Variants in SNAP47 observed in about 807,000 individuals in gnomAD.
SNAP47 encodes synaptosomal-associated protein 47.
In SNAP47, 20 loss-of-function variants were observed where a neutral mutation model predicts 31.4. That is an observed-to-expected ratio of 0.64 (90% CI 0.45 to 0.93). The LOEUF (loss-of-function observed/expected upper bound fraction) is 0.93. SNAP47 is among the 40% of genes least tolerant of loss of function. The pLI, the probability that SNAP47 is intolerant of heterozygous loss-of-function variation, is 0.00. For synonymous variants in SNAP47, 194 were observed against 213.4 expected (o/e 0.91, Z 0.79); for missense variants, 492 against 528.5 (o/e 0.93, Z 0.68).
chr1:227,738,015 G>GT (rs1661341403), intron 1 of SNAP47, among the ~76,000 whole-genome samples: 2 of 151,600 alleles, frequency 1.3e-5, no homozygotes, highest in African/African-American at 2.4e-5. Context: ...GGTTTTTTTT[G>GT]GTTTTTTTGT....
chr1:227,732,110 G>A, upstream of SNAP47: 1 of 538,428 alleles, frequency 1.9e-6, no homozygotes, highest in Non-Finnish European at 3.3e-6. Flanking sequence ...AGGCGTCCTG[G>A]CCTAAGGAGG....
At chr1:227,738,957 C>G (rs540903296) in intron 1 of SNAP47, among the ~76,000 whole-genome samples, 13 of 152,268 alleles carry the variant, frequency 8.5e-5, no homozygotes, top group Non-Finnish European at 1.8e-4. Context: ...AGATGGAACT[C>G]TGTGGTTTAG....
intron 2 of SNAP47, among the ~76,000 whole-genome samples, chr1:227,751,006 G>A (rs1312360550): frequency 6.6e-6 from 1 of 152,094 alleles, no homozygotes. Context: ...GAAATGAGCC[G>A]GGCACCAAGC....
At chr1:227,747,057 A>G (rs1319430937) in intron 1 of SNAP47, 1 of 152,304 alleles carries the variant, frequency 6.6e-6, no homozygotes, top group Non-Finnish European at 1.5e-5. Flanking sequence ...GCTTGCAGCT[A>G]TGTAAAACTA....
intron 3 of SNAP47, among the ~76,000 whole-genome samples, chr1:227,764,968 G>A (rs1232665715): frequency 7.9e-5 from 12 of 152,286 alleles, no homozygotes; most frequent in Admixed American, 5.9e-4. Flanking sequence ...TCAGCTACTC[G>A]GGAGGCTGAA....
chr1:227,743,410 C>T (rs1019032858), intron 1 of SNAP47, among the ~76,000 whole-genome samples: 2 of 152,200 alleles, frequency 1.3e-5, no homozygotes, highest in African/African-American at 4.8e-5. Flanking sequence ...CAGGTTCTCA[C>T]AAGGCCTCCC....
At chr1:227,758,298 C>T (rs80173000) in intron 2 of SNAP47, among the ~76,000 whole-genome samples, 15,213 of 152,244 alleles carry the variant, frequency 0.1, 813 homozygotes, top group Middle Eastern at 0.21. Context: ...AGAGGTAGCC[C>T]TTCCTCCCAG....
rs553327117 is a variant in SNAP47, at chr1:227,759,934, G to A, written c.988+449G>A. Among the ~76,000 whole-genome samples, 41 of 152,194 alleles carry A rather than the reference G, an allele frequency of 2.7e-4. 2 individuals are homozygous for A. The highest frequency in any genetic ancestry group is 2.7e-3 in the Admixed American group (41 of 15,276). ...GGGAATGCATTAGTTCCCAAGAGTG[G>A]GTTGTTAGGAGGCAGGATGCCCCTC... On this transcript the variant is annotated intron_variant, in intron 3 of 4. Coordinates refer to ENST00000617596, the MANE Select transcript of SNAP47 (RefSeq NM_053052.4).
rs148759523 is a variant in SNAP47 at position 227,775,705 on chromosome 1, G to T, written c.1114-4822G>T. On this transcript the variant is annotated intron_variant, in intron 4 of 4. Coordinates refer to ENST00000617596, the MANE Select transcript of SNAP47 (RefSeq NM_053052.4). ...AGGTGGGCCCACCCTACTTCATTAG[G>T]CTATTTTTCTATATTTATTTTTTGC... The T allele has an allele frequency of 7.1e-6, 9 of 1,265,626 alleles. No individual in the cohort carries two copies. The South Asian group carries it at 1.0e-4, about 14-fold the overall frequency. The allele number at this position is 1,265,626 out of a possible 1,614,324, so 78.4% of individuals were successfully genotyped here.
intron 3 of SNAP47, among the ~76,000 whole-genome samples, chr1:227,764,498 G>A (rs1663262846): frequency 6.6e-6 from 1 of 152,322 alleles, no homozygotes; most frequent in South Asian, 2.1e-4. Flanking sequence ...GCTGGGCACG[G>A]TGGTTCATGC....
intron 2 of SNAP47, among the ~76,000 whole-genome samples, chr1:227,752,629 C>A (rs1662451890): frequency 6.6e-6 from 1 of 152,162 alleles, no homozygotes; most frequent in Non-Finnish European, 1.5e-5. Flanking sequence ...TACCCGAACT[C>A]AGGTCTCGGC....
At chr1:227,730,026 T>C (rs1310019608), upstream of SNAP47, among the ~76,000 whole-genome samples, 3 of 152,210 alleles carry the variant, frequency 2.0e-5, no homozygotes, top group Non-Finnish European at 2.9e-5. Flanking sequence ...TATCCATCTA[T>C]GTGCAGCTCC....
intron 4 of SNAP47, chr1:227,777,079 T>C (rs1294778654): frequency 7.2e-6 from 7 of 972,738 alleles, no homozygotes; most frequent in African/African-American, 1.8e-5. Flanking sequence ...TCTTATGCAC[T>C]AGAAAAAGGC....
At chr1:227,729,562 CCCCAGACCTGGGATGT>C (rs1479566829) in intron 1 of SNAP47, among the ~76,000 whole-genome samples, 22 of 152,126 alleles carry the variant, frequency 1.4e-4, no homozygotes, top group Admixed American at 1.4e-3. Flanking sequence ...CTCAGGGATG[CCCCAGACCTGGGATGT>C]GGGCTTCAGG....
chr1:227,752,497 C>T (rs1662443852), intron 2 of SNAP47, among the ~76,000 whole-genome samples: 1 of 152,006 alleles, frequency 6.6e-6, no homozygotes, highest in South Asian at 2.1e-4. Flanking sequence ...GTTTTTCTCT[C>T]TATCTGGTGC....
intron 4 of SNAP47, among the ~76,000 whole-genome samples, chr1:227,768,681 C>T (rs1663593507): frequency 1.3e-5 from 2 of 152,220 alleles, no homozygotes; most frequent in Admixed American, 1.3e-4. Flanking sequence ...GCTCACTCTG[C>T]AGGTTCCTAG....
chr1:227,751,310 C>T (rs559322669), intron 2 of SNAP47, among the ~76,000 whole-genome samples: 1 of 152,352 alleles, frequency 6.6e-6, no homozygotes, highest in East Asian at 1.9e-4. Flanking sequence ...AGCCCCACCA[C>T]CTGTCCCACT....
chr1:227,730,821 C>T (rs997744125), upstream of SNAP47: 3 of 152,294 alleles, frequency 2.0e-5, no homozygotes, highest in Admixed American at 1.3e-4. Context: ...CAGTGCTGCC[C>T]TCATCATGAC....
In SNAP47 at chr1:227,773,127, ATTTTTTT is replaced by A. The variant is rs34140624; in HGVS notation, c.1113+6062_1113+6068del. Among the ~76,000 whole-genome samples, 846 of 102,384 alleles carry A rather than the reference ATTTTTTT, an allele frequency of 8.3e-3. 16 individuals carry two copies. Among genetic ancestry groups the A allele is most frequent in the Admixed American group, 0.054 (493 of 9,138 alleles). The allele number at this position is 102,384 out of a possible 152,430, so 67.2% of individuals were successfully genotyped here. Reference sequence around the variant, plus strand: ...AGGTGTGCACCACCACGTCCAGCTAATTTTTTTTTTTTTTTTTTTTTTTTGTAGACAT... The same window carrying A: ...AGGTGTGCACCACCACGTCCAGCTAATTTTTTTTTTTTTTTTTGTAGACAT... On this transcript the variant is annotated intron_variant, in intron 4 of 4. Coordinates refer to ENST00000617596, the MANE Select transcript of SNAP47 (RefSeq NM_053052.4).
Sources: gnomAD v4.1 joint callset for allele counts (sites outside exome capture counted in the v4.1 genomes callset) on GRCh38, gnomAD v4.1.1 for gene constraint, MANE v1.5 for transcripts, NCBI Gene and HGNC (gene_info 2026-07-23, HGNC 2026-07-21) for gene names.